The following RTF1 variants were observed in gnomAD, a reference collection of about 807,000 sequenced individuals.
RTF1 encodes RTF1 homolog, Paf1/RNA polymerase II complex component.
Under a neutral mutation model 95.7 loss-of-function variants are expected in RTF1, and 10 were observed. The ratio of observed to expected loss-of-function variants is 0.10; its 90% confidence interval spans 0.06 to 0.18. RTF1 has a LOEUF of 0.18. Ranked by LOEUF, RTF1 falls within the 10% of genes least tolerant of loss-of-function variation. RTF1 has a pLI of 1.00. For missense variants in RTF1, 458 were observed against 875.6 expected, an observed-to-expected ratio of 0.52 and a Z score of 6.02; for synonymous variants, 305 against 311.8, an observed-to-expected ratio of 0.98 and a Z score of 0.23.
chr15:41,464,744 C>T (rs1329808234), intron 4 of RTF1, 27 bp from the exon 5 acceptor site: 3 of 1,515,788 alleles, frequency 2.0e-6, no homozygotes, highest in African/African-American at 1.4e-5. Context: ...TTCATTGCTA[C>T]TTAAAAACCA....
intron 2 of RTF1, among the ~76,000 whole-genome samples, chr15:41,444,600 A>G (rs1395013109): frequency 6.6e-6 from 1 of 151,958 alleles, no homozygotes; most frequent in Non-Finnish European, 1.5e-5. Flanking sequence ...GGCCCGTTAG[A>G]TATTATATGT....
chr15:41,433,199 G>T (rs934083998), intron 1 of RTF1, among the ~76,000 whole-genome samples: 4 of 152,042 alleles, frequency 2.6e-5, no homozygotes, highest in Non-Finnish European at 1.5e-5. Context: ...TGTGAGCCGA[G>T]ATCACTCCAC....
chr15:41,434,143 CCTTT>C (rs2050690031), intron 1 of RTF1, among the ~76,000 whole-genome samples: 1 of 135,684 alleles, frequency 7.4e-6, no homozygotes, highest in Non-Finnish European at 1.6e-5. Context: ...CCACGCCTGG[CCTTT>C]TTTTTTTTTT....
intron 4 of RTF1, among the ~76,000 whole-genome samples, chr15:41,463,100 C>T (rs1316737601): frequency 2.6e-5 from 4 of 152,194 alleles, no homozygotes. Flanking sequence ...TCTTTTGTGA[C>T]TGACTTCTTT....
chr15:41,423,986 C>CA (rs1424718893), intron 1 of RTF1, among the ~76,000 whole-genome samples: 5 of 152,186 alleles, frequency 3.3e-5, no homozygotes, highest in Non-Finnish European at 5.9e-5. Flanking sequence ...CTCCTGACCT[C>CA]AAGTGATCCG....
intron 8 of RTF1, among the ~76,000 whole-genome samples, chr15:41,473,762 C>T (rs76901499): frequency 0.016 from 2,418 of 150,526 alleles, 76 homozygotes; most frequent in African/African-American, 0.056. Context: ...GACTGGGTCT[C>T]GGCTGGGCGC....
intron 1 of RTF1, among the ~76,000 whole-genome samples, chr15:41,437,298 A>G (rs972327917): frequency 6.6e-6 from 1 of 151,704 alleles, no homozygotes; most frequent in Non-Finnish European, 1.5e-5. Context: ...GATCGAGAGC[A>G]TCCTGGCTAA....
At chr15:41,450,968 A>G (rs1315593288) in intron 2 of RTF1, among the ~76,000 whole-genome samples, 2 of 152,040 alleles carry the variant, frequency 1.3e-5, no homozygotes. Context: ...AAAAAAAAAG[A>G]TTAAAAATAG....
At chr15:41,460,236 C>T (rs1008170576) in intron 4 of RTF1, among the ~76,000 whole-genome samples, 15 of 151,490 alleles carry the variant, frequency 9.9e-5, no homozygotes, top group African/African-American at 3.6e-4. Context: ...GATTCTCCTG[C>T]CTCAGCCTCC....
At position 41,417,203 on chromosome 15, in the gene RTF1, G is replaced by A. The variant is rs981793746; in HGVS notation, c.88G>A (p.Gly30Ser). ...GGCAGGCGGGCAAGAGGGGAGTCCG[G>A]GCGGCGGCCGGCGTGGGAGCCGGGG... ...PLAGGQEGSPGGGRRGSRGTT... is the reference protein window; with the variant it reads ...PLAGGQEGSPSGGRRGSRGTT... The change falls in exon 1 of 18, where the codon GGC becomes AGC. Residue 30 changes from glycine to serine, a missense_variant. By Grantham distance (56) the Gly-to-Ser change is moderately conservative (BLOSUM62 0). This residue lies in a region of RTF1 where 81 missense variants were observed against 59.9 expected (regional missense o/e 1.35). Coordinates refer to ENST00000389629, the MANE Select transcript of RTF1 (RefSeq NM_015138.5). 4.8e-5 allele frequency: 61 copies of A among 1,262,220 alleles called. 1 individual carries two copies. Among genetic ancestry groups the A allele is most frequent in the African/African-American group, 1.4e-4 (9 of 64,582 alleles). The allele number at this position is 1,262,220 out of a possible 1,614,324, so 78.2% of individuals were successfully genotyped here.
chr15:41,478,812 G>T, intron 15 of RTF1, 187 bp downstream of exon 15: 1 of 621,938 alleles, frequency 1.6e-6, no homozygotes, highest in South Asian at 2.0e-5. Flanking sequence ...TGAAAACGTG[G>T]CATGGATTTA....
intron 1 of RTF1, among the ~76,000 whole-genome samples, chr15:41,431,106 A>T (rs549830304): frequency 8.7e-5 from 13 of 150,176 alleles, no homozygotes; most frequent in African/African-American, 3.2e-4. Context: ...GGGTTTCATC[A>T]TGTTGGCCAG....
chr15:41,480,041 AG>A (rs539494353), intron 16 of RTF1, among the ~76,000 whole-genome samples, 172 bp from the exon 17 acceptor site: 26 of 152,268 alleles, frequency 1.7e-4, no homozygotes, highest in African/African-American at 6.3e-4. Context: ...TGTAGCCTTC[AG>A]GAGAGAAAGC....
At chr15:41,439,135 C>T (rs1305177897) in intron 2 of RTF1, among the ~76,000 whole-genome samples, 1 of 151,266 alleles carries the variant, frequency 6.6e-6, no homozygotes, top group South Asian at 2.1e-4. Context: ...AGGTTCACGC[C>T]ATTCTCCTGC....
intron 1 of RTF1, among the ~76,000 whole-genome samples, chr15:41,433,719 A>T (rs2050687410): frequency 6.6e-6 from 1 of 152,152 alleles, no homozygotes; most frequent in South Asian, 2.1e-4. Context: ...CAGCAATCCC[A>T]GTCCTAGGTA....
Position 41,482,130 on chromosome 15 carries a change from G to GTA in RTF1, c.*1446_*1447dup, listed in dbSNP as rs1262981232. The GTA allele has an allele frequency of 1.3e-5, 2 of 152,400 alleles. No individual in the cohort carries two copies. The highest frequency in any genetic ancestry group is 2.9e-5 in the Non-Finnish European group (2 of 68,056). 9.4% of individuals were successfully genotyped at this position (152,400 alleles called of 1,614,324 possible). ...CAAGCATGTGCAGTTTTGTGTGTGT[G>GTA]TATACATATATATGGTCAGCATATA... On this transcript the variant is annotated 3_prime_UTR_variant, in exon 18 of 18. Transcript: ENST00000389629.
intron 6 of RTF1, among the ~76,000 whole-genome samples, chr15:41,469,657 C>G (rs2050899526): frequency 6.6e-6 from 1 of 152,046 alleles, no homozygotes; most frequent in Admixed American, 6.6e-5. Flanking sequence ...TCCCAAGTAG[C>G]TGGGATAACA....
intron 1 of RTF1, among the ~76,000 whole-genome samples, chr15:41,428,372 A>G (rs1029334002): frequency 6.7e-5 from 9 of 133,650 alleles, no homozygotes; most frequent in Non-Finnish European, 1.4e-4. Flanking sequence ...GGTTCACACC[A>G]TTCTCCCGCC....
At chr15:41,448,334 G>T (rs2050773227) in intron 2 of RTF1, among the ~76,000 whole-genome samples, 1 of 152,014 alleles carries the variant, frequency 6.6e-6, no homozygotes. Flanking sequence ...TCATTGAGTG[G>T]TGGCTATACA....
Sources: allele counts gnomAD v4.1 joint callset (sites outside exome capture counted in the v4.1 genomes callset), GRCh38; gene constraint gnomAD v4.1.1; regional missense constraint gnomAD v4.1.1; transcripts MANE v1.5; gene names NCBI Gene and HGNC (gene_info 2026-07-23, HGNC 2026-07-21).